RBM7: variants seen among roughly 807,000 people sequenced by gnomAD.
RBM7 encodes the protein RNA binding motif protein 7.
RBM7 carries 13 observed loss-of-function variants against 31.0 expected under a neutral mutation model. The ratio of observed to expected loss-of-function variants is 0.42; its 90% CI spans 0.27 to 0.67. The LOEUF is 0.67. RBM7 is among the 30% of genes least tolerant of loss of function. RBM7 has a pLI of 0.24. For missense variants in RBM7, 245 were observed against 326.2 expected (o/e 0.75, Z 1.92); for synonymous variants, 106 against 111.2 (o/e 0.95, Z 0.30).
intron 2 of RBM7, 143 bp downstream of exon 2, chr11:114,402,003 A>G (rs944796941): frequency 2.6e-6 from 2 of 764,364 alleles, no homozygotes; most frequent in African/African-American, 1.9e-5. Context: ...AACTTTATAT[A>G]TCCCTGAAAA....
chr11:114,402,868 C>G lies in RBM7; in HGVS notation c.300C>G (p.Pro100=). ...HAPQDVSLSY[P]QHHVGNSSPT... is the part of the protein sequence containing the mutation. The stretch of plus-strand genomic sequence containing the variant: ...CACAAGATGTCAGTTTGTCATATCC[C>G]CAACATCATGTTGGAAATTCAAGCC... The change falls in exon 3 of 5, where the codon CCC becomes CCG. Residue 100 remains proline (P), a synonymous_variant. Transcript: ENST00000375490. 1.2e-6 allele frequency: 2 copies of G among 1,613,290 alleles called. No individual in the cohort carries two copies. The highest frequency in any genetic ancestry group is 1.7e-6 in the Non-Finnish European group (2 of 1,179,384).
chr11:114,401,848 C>G lies in RBM7; in HGVS notation c.247C>G (p.Gln83Glu). The change falls in exon 2 of 5, where the codon CAA becomes GAA. Residue 83 changes from glutamine (Q) to glutamate (E), a missense_variant. Transcript: ENST00000375490. ...IKLYGRPIKI[Q>E]FRSGSSHAPQ... ...ACTTTATGGAAGGCCTATCAAAATTCAATTTAGATCAGGTAACTGCCCAAT... is the reference window on the plus strand; with the variant it reads ...ACTTTATGGAAGGCCTATCAAAATTGAATTTAGATCAGGTAACTGCCCAAT... The G allele has an allele frequency of 6.3e-7, 1 of 1,589,958 alleles. No individual in the cohort carries two copies. The highest frequency in any genetic ancestry group is 8.5e-7 in the Non-Finnish European group (1 of 1,171,786).
chr11:114,407,267 G>GTA (rs1441469341), intron 4 of RBM7, 178 bp from the exon 5 acceptor site: 8 of 557,024 alleles, frequency 1.4e-5, no homozygotes, highest in Non-Finnish European at 2.2e-5. Flanking sequence ...TAGTATTTAT[G>GTA]TATATATATG....
chr11:114,402,048 A>G (rs1334248013), intron 2 of RBM7, 188 bp downstream of exon 2: 5 of 548,468 alleles, frequency 9.1e-6, no homozygotes, highest in Admixed American at 8.7e-5. Context: ...TGAAATTAGA[A>G]TTTCAAAACT....
rs1665152322 is a variant in RBM7 at position 114,407,579 on chromosome 11, A to G, written c.576A>G (p.Gln192=). 1.9e-6 allele frequency: 3 copies of G among 1,614,222 alleles called. No homozygotes were observed. The highest frequency in any genetic ancestry group is 1.1e-5 in the South Asian group (1 of 91,080). Reference sequence around the variant, plus strand: ...AGTCTTCAAGCTCCCAGTGGCGCCAAGGTACACCATCATCACAGCGTAAAG... The same window carrying G: ...AGTCTTCAAGCTCCCAGTGGCGCCAGGGTACACCATCATCACAGCGTAAAG... The part of the protein sequence containing the change: ...FNQSSSSQWR[Q]GTPSSQRKVR... The change falls in exon 5 of 5, where the codon CAA becomes CAG. Residue 192 remains glutamine (Q), a synonymous_variant. Coordinates refer to ENST00000375490, the MANE Select transcript of RBM7 (RefSeq NM_001286045.2).
At position 114,407,679 on chromosome 11, in the gene RBM7, G is replaced by C; in HGVS notation, c.676G>C (p.Asp226His). The C allele has an allele frequency of 6.2e-7, 1 of 1,614,148 alleles. No individual in the cohort carries two copies. The highest frequency in any genetic ancestry group is 8.5e-7 in the Non-Finnish European group (1 of 1,180,018). Reference protein sequence around the residue: ...REQRYTDHGSDHHYRGKRDDF... With the variant: ...REQRYTDHGSHHHYRGKRDDF... Reference sequence around the variant, plus strand: ...ACAGCGTTACACTGATCATGGGTCTGACCATCATTACAGAGGAAAGAGAGA... The same window carrying C: ...ACAGCGTTACACTGATCATGGGTCTCACCATCATTACAGAGGAAAGAGAGA... The change falls in exon 5 of 5, where the codon GAC (aspartate) becomes CAC (histidine). Residue 226 changes from aspartate to histidine, a missense_variant. Transcript: ENST00000375490.
At chr11:114,400,805 C>T in intron 1 of RBM7, 38 bp downstream of exon 1, 1 of 1,612,022 alleles carries the variant, frequency 6.2e-7, no homozygotes, top group Non-Finnish European at 8.5e-7. Flanking sequence ...TTTCGTTTTC[C>T]GTCTCGCCTA....
chr11:114,407,702 A>C lies in RBM7; in HGVS notation c.699A>C (p.Arg233Ser). Residue 233 changes from arginine (R) to serine (S), a missense_variant, in exon 5 of 5, where the codon AGA becomes AGC. Physicochemically the swap from Arg to Ser is moderately radical, Grantham distance 110. Transcript: ENST00000375490. ...CTGACCATCATTACAGAGGAAAGAGAGATGATTTCTTCTATGAAGACAGGA... is the reference window on the plus strand; with the variant it reads ...CTGACCATCATTACAGAGGAAAGAGCGATGATTTCTTCTATGAAGACAGGA... ...HGSDHHYRGKRDDFFYEDRNH... is the reference protein window; with the variant it reads ...HGSDHHYRGKSDDFFYEDRNH... The C allele has an allele frequency of 6.2e-7, 1 of 1,614,162 alleles. No individual in the cohort carries two copies. Among genetic ancestry groups the C allele is most frequent in the South Asian group, 1.1e-5 (1 of 91,084 alleles).
At chr11:114,401,884 G>C (rs746950932) in intron 2 of RBM7, 24 bp downstream of exon 2, 21 of 1,549,782 alleles carry the variant, frequency 1.4e-5, no homozygotes, top group Non-Finnish European at 1.8e-5. Flanking sequence ...GAGGTTCGGG[G>C]GGCATTGTTT....
At chr11:114,406,471 T>C (rs1279058900) in intron 4 of RBM7, 2 of 152,200 alleles carry the variant, frequency 1.3e-5, no homozygotes, top group East Asian at 3.8e-4. Flanking sequence ...ACTATTAAAA[T>C]AAAAATGATC....
chr11:114,404,430 T>C (rs541795052), intron 3 of RBM7, among the ~76,000 whole-genome samples: 1 of 152,324 alleles, frequency 6.6e-6, no homozygotes, highest in Admixed American at 6.5e-5. Context: ...TAATTAACAG[T>C]GTTTAAACAT....
At chr11:114,402,984 T>C in intron 3 of RBM7, 69 bp downstream of exon 3, 1 of 1,232,724 alleles carries the variant, frequency 8.1e-7, no homozygotes, top group Non-Finnish European at 1.2e-6. Flanking sequence ...TCAAAACACA[T>C]GAGTAAATAG....
At chr11:114,401,115 C>G (rs1247543272) in intron 1 of RBM7, among the ~76,000 whole-genome samples, 1 of 152,066 alleles carries the variant, frequency 6.6e-6, no homozygotes, top group Non-Finnish European at 1.5e-5. Context: ...GATAATTTGT[C>G]TTTGGTTTAT....
intron 3 of RBM7, 42 bp from the exon 4 acceptor site, chr11:114,405,664 A>C (rs1313936841): frequency 7.2e-7 from 1 of 1,385,832 alleles, no homozygotes; most frequent in African/African-American, 1.5e-5. Context: ...TAGTTAGTAA[A>C]TATTTATTGA....
rs1946322796 is a variant in RBM7, at chr11:114,410,492, A to G, written c.*2685A>G. 1 of 152,234 alleles carries G rather than the reference A, an allele frequency of 6.6e-6. No homozygotes were observed. Among genetic ancestry groups the G allele is most frequent in the African/African-American group, 2.4e-5 (1 of 41,458 alleles). The allele number at this position is 152,234 out of a possible 1,614,324, so 9.4% of individuals were successfully genotyped here. The stretch of plus-strand genomic sequence containing the variant: ...CAATTTTCTCAAGAGGATTATTCCA[A>G]GAACACCCTAATGTTTTCCTGCTTC... On this transcript the variant is annotated 3_prime_UTR_variant, in exon 5 of 5. Coordinates refer to ENST00000375490, the MANE Select transcript of RBM7 (RefSeq NM_001286045.2).
At chr11:114,405,257 A>T (rs1218353275) in intron 3 of RBM7, among the ~76,000 whole-genome samples, 1 of 152,226 alleles carries the variant, frequency 6.6e-6, no homozygotes, top group Non-Finnish European at 1.5e-5. Context: ...CCATTGTAGC[A>T]CTAAAGTAGC....
At chr11:114,401,163 GT>G (rs1946194713) in intron 1 of RBM7, among the ~76,000 whole-genome samples, 1 of 152,068 alleles carries the variant, frequency 6.6e-6, no homozygotes, top group African/African-American at 2.4e-5. Flanking sequence ...ATTTGTGTCT[GT>G]TTTCCCCTAA....
intron 3 of RBM7, among the ~76,000 whole-genome samples, chr11:114,403,564 A>G (rs534359938): frequency 4.6e-5 from 7 of 152,288 alleles, no homozygotes; most frequent in South Asian, 2.1e-4. Flanking sequence ...ACCAGGGACA[A>G]TTTTTCCCGG....
rs1946314825 is a variant in RBM7, at chr11:114,409,813, T to G, written c.*2006T>G. On this transcript the variant is annotated 3_prime_UTR_variant, in exon 5 of 5. Transcript: ENST00000375490. Reference sequence around the variant, plus strand: ...GTGAATCTTCTTTTTCACTTCACTTTCAGTGAGCTGAAAGTAACCAAACTA... The same window carrying G: ...GTGAATCTTCTTTTTCACTTCACTTGCAGTGAGCTGAAAGTAACCAAACTA... The G allele has an allele frequency of 6.6e-6, 1 of 152,226 alleles. No individual in the cohort carries two copies. The highest frequency in any genetic ancestry group is 1.5e-5 in the Non-Finnish European group (1 of 68,054). 9.4% of individuals were successfully genotyped at this position (152,226 alleles called of 1,614,324 possible).
Sources: allele counts gnomAD v4.1 joint callset (sites outside exome capture counted in the v4.1 genomes callset), GRCh38; gene constraint gnomAD v4.1.1; transcripts MANE v1.5; gene names NCBI Gene and HGNC (gene_info 2026-07-23, HGNC 2026-07-21).